The following SCOC variants were observed in gnomAD, a reference collection of about 807,000 sequenced individuals.
The protein encoded by SCOC is short coiled coil protein.
A neutral mutation model predicts 9.9 loss-of-function variants in SCOC; 7 were observed. The ratio of observed to expected loss-of-function variants is 0.71; its 90% CI spans 0.40 to 1.33. The LOEUF (loss-of-function observed/expected upper bound fraction) is 1.33, where lower values mean the gene tolerates loss of function less well. SCOC is among the 40% of genes most tolerant of loss of function. SCOC has a pLI of 0.01. For missense variants in SCOC, 66 were observed against 89.7 expected, an observed-to-expected ratio of 0.74 and a Z score of 1.07; for synonymous variants, 19 against 28.2, an observed-to-expected ratio of 0.67 and a Z score of 1.03.
At chr4:140,377,601 C>G (rs908582328) in intron 1 of SCOC, among the ~76,000 whole-genome samples, 6 of 152,074 alleles carry the variant, frequency 3.9e-5, no homozygotes, top group Non-Finnish European at 5.9e-5. Context: ...GAACTATAAA[C>G]TTGAAGTTTA....
At chr4:140,269,775 G>A (rs1730802489) in intron 1 of SCOC, among the ~76,000 whole-genome samples, 1 of 152,080 alleles carries the variant, frequency 6.6e-6, no homozygotes, top group Non-Finnish European at 1.5e-5. Context: ...TTTAGAGACA[G>A]GGTCTTGCTC....
At position 140,260,761 on chromosome 4, in the gene SCOC, T is replaced by G. The variant is rs547591712; in HGVS notation, c.-19+3351T>G. 1.8e-3 allele frequency among the ~76,000 whole-genome samples: 267 copies of G among 152,300 alleles called. 1 individual carries two copies. The highest frequency in any genetic ancestry group is 6.0e-3 in the African/African-American group (249 of 41,566). On this transcript the variant is annotated intron_variant, in intron 1 of 4. Transcript: ENST00000394205. ...TGAATCTGAAACATACATATTCTAT[T>G]TATGTGTAATATATCCCAGGTGATT...
At chr4:140,305,827 G>T (rs1731963850) in intron 1 of SCOC, among the ~76,000 whole-genome samples, 1 of 152,186 alleles carries the variant, frequency 6.6e-6, no homozygotes, top group Middle Eastern at 3.2e-3. Flanking sequence ...AGTCAGCATT[G>T]TGGAAGGGAG....
intron 1 of SCOC, among the ~76,000 whole-genome samples, chr4:140,335,898 A>G (rs1260962629): frequency 6.6e-6 from 1 of 152,204 alleles, no homozygotes; most frequent in African/African-American, 2.4e-5. Flanking sequence ...ACACATTTAT[A>G]TCTCACTGCC....
intron 1 of SCOC, among the ~76,000 whole-genome samples, chr4:140,263,791 G>A (rs1560673298): frequency 6.6e-6 from 1 of 152,166 alleles, no homozygotes; most frequent in African/African-American, 2.4e-5. Context: ...GGTGAGCTAA[G>A]AACCGAGCTC....
chr4:140,298,739 T>G (rs1731724055), intron 1 of SCOC, among the ~76,000 whole-genome samples: 1 of 152,224 alleles, frequency 6.6e-6, no homozygotes, highest in Non-Finnish European at 1.5e-5. Flanking sequence ...AGTGACTGAA[T>G]AGAGGGATGA....
At chr4:140,257,332 A>G (rs765663626) in exon 1 of SCOC, 1 of 152,168 alleles carries the variant, frequency 6.6e-6, no homozygotes, top group African/African-American at 2.4e-5. Context: ...GCTCTTGCCT[A>G]TGATAGGAAC....
At chr4:140,364,598 C>T (rs930549521) in intron 2 of SCOC, among the ~76,000 whole-genome samples, 2 of 152,100 alleles carry the variant, frequency 1.3e-5, no homozygotes, top group African/African-American at 4.8e-5. Flanking sequence ...TCAGGACTGC[C>T]CTTATCTATA....
intron 1 of SCOC, among the ~76,000 whole-genome samples, chr4:140,262,200 A>G (rs1163259574): frequency 6.6e-6 from 1 of 152,154 alleles, no homozygotes; most frequent in Non-Finnish European, 1.5e-5. Flanking sequence ...GGCTTTTTGT[A>G]CTAGACTAGT....
chr4:140,343,764 T>A, intron 2 of SCOC: 3 of 1,209,694 alleles, frequency 2.5e-6, no homozygotes, highest in South Asian at 2.6e-5. Context: ...CTCAGTTTTT[T>A]AAAAATATAA....
intron 3 of SCOC, 28 bp downstream of exon 3, chr4:140,379,680 A>G: frequency 6.8e-7 from 1 of 1,468,332 alleles, no homozygotes; most frequent in African/African-American, 1.4e-5. Context: ...AGTTTATTTG[A>G]ATGACAGCCA....
At chr4:140,345,976 A>G (rs560733844) in intron 2 of SCOC, among the ~76,000 whole-genome samples, 1 of 152,294 alleles carries the variant, frequency 6.6e-6, no homozygotes, top group East Asian at 1.9e-4. Context: ...CAACATCATC[A>G]TGATATTATG....
At chr4:140,323,972 A>G (rs1380208157) in intron 1 of SCOC, among the ~76,000 whole-genome samples, 2 of 152,216 alleles carry the variant, frequency 1.3e-5, no homozygotes, top group Non-Finnish European at 2.9e-5. Context: ...AAAATGCTCA[A>G]CAAAATATTA....
rs924073895 is a variant in SCOC, at chr4:140,366,317, C to A, written c.71-12804C>A. The A allele has an allele frequency of 1.8e-5, 26 of 1,424,146 alleles. 1 individual carries two copies. The Middle Eastern group carries it at 5.5e-4, about 30-fold the overall frequency. 88.2% of individuals were successfully genotyped at this position (1,424,146 alleles called of 1,614,324 possible). ...TCTGAGCTTTTGGAGGAGGCGCTGC[C>A]TTCTGGCCTGTGGCTTTCTGGGCAG... On this transcript the variant is annotated intron_variant, in intron 2 of 4. Transcript: ENST00000338517.
chr4:140,366,897 G>T, intron 2 of SCOC: 3 of 665,438 alleles, frequency 4.5e-6, no homozygotes, highest in East Asian at 5.2e-5. Flanking sequence ...AAGGCCAGGT[G>T]CATTCTTTTA....
chr4:140,314,712 A>T (rs1732260419), intron 1 of SCOC, among the ~76,000 whole-genome samples: 1 of 152,180 alleles, frequency 6.6e-6, no homozygotes, highest in Non-Finnish European at 1.5e-5. Flanking sequence ...CAAGAGAGGC[A>T]GATGTGGAAG....
chr4:140,351,839 T>C (rs1313491962), intron 2 of SCOC, among the ~76,000 whole-genome samples: 5 of 152,006 alleles, frequency 3.3e-5, no homozygotes, highest in East Asian at 1.9e-4. Context: ...AAGAAGGAAA[T>C]AGACTTGTGG....
At chr4:140,368,260 C>T (rs1232793214) in intron 2 of SCOC, among the ~76,000 whole-genome samples, 1 of 152,202 alleles carries the variant, frequency 6.6e-6, no homozygotes, top group Non-Finnish European at 1.5e-5. Flanking sequence ...CATATACCTA[C>T]ATCATAATTT....
intron 2 of SCOC, among the ~76,000 whole-genome samples, chr4:140,352,562 T>C (rs1048250051): frequency 6.6e-6 from 1 of 152,350 alleles, no homozygotes; most frequent in Admixed American, 6.5e-5. Context: ...GTAAGTGCTC[T>C]TTCTGCAGAG....
Sources: gnomAD v4.1 joint callset for allele counts (sites outside exome capture counted in the v4.1 genomes callset) on GRCh38, gnomAD v4.1.1 for gene constraint, MANE v1.5 for transcripts, NCBI Gene and HGNC (gene_info 2026-07-23, HGNC 2026-07-21) for gene names.